The following TCF7L2 variants were observed in gnomAD, a reference collection of about 807,000 sequenced individuals.
TCF7L2 encodes the protein transcription factor 7-like 2.
Under a neutral mutation model 77.9 loss-of-function variants are expected in TCF7L2, and 23 were observed. The ratio of observed to expected loss-of-function variants is 0.30; its 90% CI spans 0.21 to 0.42. TCF7L2 has a LOEUF of 0.42. TCF7L2 is among the 10% of genes least tolerant of loss of function. The pLI is 1.00. For synonymous variants in TCF7L2, 413 were observed against 340.2 expected (o/e 1.21, Z -2.36); for missense variants, 654 against 793.1 (o/e 0.82, Z 2.11).
chr10:113,123,943 C>A (rs570092074), intron 5 of TCF7L2, among the ~76,000 whole-genome samples: 2 of 152,198 alleles, frequency 1.3e-5, no homozygotes, highest in Non-Finnish European at 2.9e-5. Flanking sequence ...ATAAAGAGCA[C>A]TGAAAGAGAG....
chr10:113,068,835 T>C (rs112694314), intron 5 of TCF7L2, among the ~76,000 whole-genome samples: 5,116 of 152,104 alleles, frequency 0.034, 276 homozygotes, highest in African/African-American at 0.12. Context: ...GCCATTCGCA[T>C]GCTGCCAGAC....
chr10:112,998,197 C>G (rs78025551), intron 4 of TCF7L2, among the ~76,000 whole-genome samples: 20,852 of 151,750 alleles, frequency 0.14, 1,521 homozygotes, highest in Non-Finnish European at 0.15. Context: ...CCTCAGCCTC[C>G]CAAAGTGCTG....
intron 12 of TCF7L2, 78 bp downstream of exon 13, chr10:113,158,795 C>T (rs1264249996): frequency 7.2e-7 from 1 of 1,388,916 alleles, no homozygotes; most frequent in African/African-American, 1.4e-5. Flanking sequence ...GTTTTATTAA[C>T]ATTTAAACAC....
intron 4 of TCF7L2, among the ~76,000 whole-genome samples, chr10:113,034,628 G>T: frequency 6.6e-6 from 1 of 152,186 alleles, no homozygotes; most frequent in South Asian, 2.1e-4. Flanking sequence ...GTCAGACATG[G>T]CTCCCACCTG....
intron 4 of TCF7L2, among the ~76,000 whole-genome samples, chr10:112,996,666 T>A (rs2043540734): frequency 6.6e-6 from 1 of 152,196 alleles, no homozygotes; most frequent in Non-Finnish European, 1.5e-5. Context: ...CGGCCAGTGA[T>A]CAGTGCTGGT....
chr10:113,098,173 A>G (rs2061264283), intron 5 of TCF7L2, among the ~76,000 whole-genome samples: 1 of 151,842 alleles, frequency 6.6e-6, no homozygotes, highest in South Asian at 2.1e-4. Context: ...TGTCTGGCAC[A>G]GGCTCCTGAC....
rs758513223 is a variant in TCF7L2 at position 113,159,905 on chromosome 10, CTT to C, written c.1319-713_1319-712del. On this transcript the variant is annotated intron_variant, in intron 12 of 13. Transcript: ENST00000627217. ...GTTCTCCTCCTCTGCTCGCTTCTCTCTTGAACTCATTCAGACCTGAGCGCTCC... is the reference window on the plus strand; with the variant it reads ...GTTCTCCTCCTCTGCTCGCTTCTCTCGAACTCATTCAGACCTGAGCGCTCC... The C allele has an allele frequency of 1.2e-5, 17 of 1,439,254 alleles. No homozygotes were observed. Among genetic ancestry groups the C allele is most frequent in the South Asian group, 5.6e-5 (5 of 88,890 alleles). The allele number at this position is 1,439,254 out of a possible 1,614,324, so 89.2% of individuals were successfully genotyped here.
At chr10:113,081,763 T>C (rs1270843030) in intron 5 of TCF7L2, among the ~76,000 whole-genome samples, 3 of 152,232 alleles carry the variant, frequency 2.0e-5, no homozygotes, top group East Asian at 3.8e-4. Context: ...ATGGATGTCC[T>C]CGAAATTAGA....
intron 5 of TCF7L2, among the ~76,000 whole-genome samples, chr10:113,099,057 T>A (rs1428770871): frequency 2.0e-5 from 3 of 152,206 alleles, no homozygotes; most frequent in Non-Finnish European, 4.4e-5. Context: ...GTTGTCAGCT[T>A]GTTAGTTATT....
chr10:113,165,946 T>C lies in TCF7L2; in HGVS notation c.1783T>C (p.Ser595Pro). ...GGCCGGGACCCAGCCCCAGCCGCTG[T>C]CGCTCGTCACCAAGTCTTTAGAATA... Residue 595 changes from serine to proline, a missense_variant, in exon 14 of 14, where the codon TCG becomes CCG. Ser to Pro is a moderately conservative substitution (Grantham distance 74). Around this residue, in one of 6 missense-constraint regions of TCF7L2, gnomAD observed 272 missense variants for 215.4 expected, o/e 1.26. Transcript: ENST00000627217. The C allele has an allele frequency of 1.3e-6, 2 of 1,539,760 alleles. No individual in the cohort carries two copies. The highest frequency in any genetic ancestry group is 2.3e-5 in the East Asian group (1 of 43,974).
chr10:113,059,955 A>G (rs2056154634), intron 5 of TCF7L2, among the ~76,000 whole-genome samples: 2 of 152,100 alleles, frequency 1.3e-5, no homozygotes, highest in Non-Finnish European at 2.9e-5. Flanking sequence ...TTAAATTTGA[A>G]TGTTAGCCTT....
At chr10:113,110,431 T>G (rs1049338405) in intron 5 of TCF7L2, among the ~76,000 whole-genome samples, 1 of 150,236 alleles carries the variant, frequency 6.7e-6, no homozygotes, top group East Asian at 2.1e-4. Context: ...AGCAGTGTTT[T>G]CACATGTAAA....
intron 4 of TCF7L2, among the ~76,000 whole-genome samples, chr10:112,970,231 T>A (rs1036475552): frequency 7.9e-5 from 12 of 152,034 alleles, no homozygotes; most frequent in African/African-American, 2.9e-4. Flanking sequence ...TAGGAGAGGA[T>A]CCAGAAGAAA....
chr10:113,150,781 CT>C (rs2070589256), intron 8 of TCF7L2, among the ~76,000 whole-genome samples: 2 of 152,120 alleles, frequency 1.3e-5, no homozygotes, highest in African/African-American at 4.8e-5. Context: ...ATCATAATGT[CT>C]TATGTCAGTA....
At chr10:112,965,090 G>GT (rs960079148) in intron 4 of TCF7L2, among the ~76,000 whole-genome samples, 2 of 152,086 alleles carry the variant, frequency 1.3e-5, no homozygotes, top group African/African-American at 4.8e-5. Context: ...CAGCCAGAGG[G>GT]TTGTTTCTGG....
Position 113,052,315 on chromosome 10 carries a change from A to G in TCF7L2, c.552+12189A>G, listed in dbSNP as rs1169138886. On this transcript the variant is annotated intron_variant, in intron 5 of 13. Coordinates refer to ENST00000627217, the MANE Select transcript of TCF7L2 (RefSeq NM_001146274.2). ...GGGCCTCCAGGGGAAGGATGCATTG[A>G]TGGATTAATTTCTGCCAAGGCTGAA... Among the ~76,000 whole-genome samples the G allele has an allele frequency of 3.9e-5, 6 of 152,252 alleles. No individual in the cohort carries two copies. The East Asian group carries it at 1.2e-3, about 29-fold the overall frequency.
At chr10:113,074,461 A>G (rs950035382) in intron 5 of TCF7L2, among the ~76,000 whole-genome samples, 8 of 152,156 alleles carry the variant, frequency 5.3e-5, no homozygotes, top group African/African-American at 1.7e-4. Flanking sequence ...AATTAGCAAC[A>G]TATTAATCTT....
At chr10:112,960,076 A>C (rs2034679546) in intron 3 of TCF7L2, among the ~76,000 whole-genome samples, 1 of 152,170 alleles carries the variant, frequency 6.6e-6, no homozygotes, top group Non-Finnish European at 1.5e-5. Flanking sequence ...AGCAGGACGA[A>C]TAGGCATCAA....
At chr10:113,115,329 G>A (rs530985468) in intron 5 of TCF7L2, among the ~76,000 whole-genome samples, 1 of 152,176 alleles carries the variant, frequency 6.6e-6, no homozygotes, top group Non-Finnish European at 1.5e-5. Flanking sequence ...GATAATTAAA[G>A]AATTTCATAC....
Sources: gnomAD v4.1 joint callset for allele counts (sites outside exome capture counted in the v4.1 genomes callset) on GRCh38, gnomAD v4.1.1 for gene constraint, gnomAD v4.1.1 regional missense constraint, MANE v1.5 for transcripts, NCBI Gene and HGNC (gene_info 2026-07-23, HGNC 2026-07-21) for gene names.